Variants in MAP3K20 observed in about 807,000 individuals in gnomAD.
The protein encoded by MAP3K20 is mitogen-activated protein kinase kinase kinase 20.
MAP3K20 carries 40 observed loss-of-function variants against 85.7 expected under a neutral mutation model. The observed-to-expected ratio is 0.47, with a 90% CI of 0.36 to 0.61. The LOEUF is 0.61. Among genes scored for constraint, MAP3K20 ranks in the 20% least tolerant of loss-of-function variants. The probability of loss-of-function intolerance (pLI) is 0.00; values close to 1 mark genes in which losing one functional copy is unlikely to be tolerated. For missense variants in MAP3K20, 817 were observed against 961.7 expected, an observed-to-expected ratio of 0.85 and a Z score of 1.99; for synonymous variants, 325 against 327.7, an observed-to-expected ratio of 0.99 and a Z score of 0.09.
At chr2:173,111,343 A>G (rs1687969586) in intron 2 of MAP3K20, among the ~76,000 whole-genome samples, 1 of 152,020 alleles carries the variant, frequency 6.6e-6, no homozygotes. Context: ...AGATGTATAG[A>G]TTGTGAAGAT....
chr2:173,205,572 C>T (rs761175270), intron 9 of MAP3K20, among the ~76,000 whole-genome samples: 2 of 152,154 alleles, frequency 1.3e-5, no homozygotes, highest in Non-Finnish European at 2.9e-5. Flanking sequence ...GTTCACTCCA[C>T]GTGCTCCTTC....
intron 1 of MAP3K20, among the ~76,000 whole-genome samples, chr2:173,085,444 C>T (rs554277046): frequency 2.6e-4 from 40 of 152,236 alleles, no homozygotes; most frequent in South Asian, 2.1e-4. Context: ...TTAGGTGATG[C>T]TGCTATATAT....
chr2:173,075,704 C>T (rs1686826228), upstream of MAP3K20: 2 of 937,696 alleles, frequency 2.1e-6, no homozygotes, highest in Non-Finnish European at 2.5e-6. Flanking sequence ...TGCCGGGGCG[C>T]GGGGCGGATG....
chr2:173,151,383 C>T (rs1689302783), intron 2 of MAP3K20, among the ~76,000 whole-genome samples: 1 of 152,138 alleles, frequency 6.6e-6, no homozygotes, highest in Non-Finnish European at 1.5e-5. Context: ...TAGATCATTC[C>T]ATCTGTCCCT....
chr2:173,085,838 C>G (rs1296410839), intron 1 of MAP3K20, among the ~76,000 whole-genome samples: 1 of 110,328 alleles, frequency 9.1e-6, no homozygotes, highest in Non-Finnish European at 1.7e-5. Flanking sequence ...CTCTGTTGTC[C>G]AGGCTGGAGT....
chr2:173,174,802 G>A (rs752854104), intron 3 of MAP3K20, among the ~76,000 whole-genome samples: 2 of 152,086 alleles, frequency 1.3e-5, no homozygotes, highest in African/African-American at 2.4e-5. Context: ...CATGGTTTTC[G>A]GAGTACAATG....
rs559276881 is a variant in MAP3K20 at position 173,144,419 on chromosome 2, C to T, written c.160-25386C>T. Among the ~76,000 whole-genome samples the T allele has an allele frequency of 3.1e-4, 40 of 127,802 alleles. No individual in the cohort carries two copies. In the East Asian group the frequency reaches 8.1e-3, roughly 26 times the overall value. 83.8% of individuals were successfully genotyped at this position (127,802 alleles called of 152,430 possible). ...CGGAGCTTGCAGTGAGCCGAGGTCA[C>T]GCCACTGCACTCCAGCCTGGGCAAC... On this transcript the variant is annotated intron_variant, in intron 2 of 19. Transcript: ENST00000375213.
Position 173,229,894 on chromosome 2 carries a change from G to A in MAP3K20, c.1032+161G>A, listed in dbSNP as rs71417425. On this transcript the variant is annotated intron_variant, in intron 12 of 19. Transcript: ENST00000375213. ...CTCCCAGGCTGGAGTGCAGTGGTGC[G>A]ATCTCAGCTCACTGCAACCTCCACC... 5.7e-4 allele frequency among the ~76,000 whole-genome samples: 87 copies of A among 152,190 alleles called. 1 individual carries two copies. The highest frequency in any genetic ancestry group is 3.4e-3 in the Middle Eastern group (1 of 294).
At chr2:173,134,420 A>ATTTTTTTTTTTTT (rs1559246094) in intron 2 of MAP3K20, among the ~76,000 whole-genome samples, 2 of 6,156 alleles carry the variant, frequency 3.2e-4, no homozygotes, top group Non-Finnish European at 6.7e-4. Flanking sequence ...ATATATATAT[A>ATTTTTTTTTTTTT]TATATATATT....
In MAP3K20 at chr2:173,205,119, A is replaced by AAAAC. The variant is rs1683638647; in HGVS notation, c.744+1252_744+1253insCAAA. On this transcript the variant is annotated intron_variant, in intron 9 of 19. Transcript: ENST00000375213. ...CTCTGTCTCAAAAAAAAAAAAAAAA[A>AAAAC]AAATAAATAAATAAAATAAAACATA... 1.9e-4 allele frequency among the ~76,000 whole-genome samples: 26 copies of AAAAC among 139,578 alleles called. 3 individuals are homozygous for AAAAC. The highest frequency in any genetic ancestry group is 5.2e-4 in the African/African-American group (19 of 36,708). 91.6% of individuals were successfully genotyped at this position (139,578 alleles called of 152,430 possible).
Position 173,134,409 on chromosome 2 carries a change from TATA to T in MAP3K20, c.160-35395_160-35393del, listed in dbSNP as rs1688723860. Among the ~76,000 whole-genome samples the T allele has an allele frequency of 1.0e-3, 10 of 9,730 alleles. 1 individual carries two copies. Among genetic ancestry groups the T allele is most frequent in the Admixed American group, 2.8e-3 (3 of 1,076 alleles). The allele number at this position is 9,730 out of a possible 152,430, so 6.4% of individuals were successfully genotyped here. A position where few individuals can be genotyped will look rare whatever the true frequency, so the allele number is the denominator to read the frequency against. On this transcript the variant is annotated intron_variant, in intron 2 of 19. Transcript: ENST00000375213. ...GTCTCTATACATATATATATATATA[TATA>T]TATATATATATATATATTTTTTTTT...
rs79517220 is a variant in MAP3K20 at position 173,087,250 on chromosome 2, A to G, written c.-34-3748A>G. On this transcript the variant is annotated intron_variant, in intron 1 of 19. Transcript: ENST00000375213. ...TGGGTAAAGAAAGGTGCTGTGGCAC[A>G]TGAGAGGGAGAATTCAGCTGTGCTC... Among the ~76,000 whole-genome samples, 1,456 of 152,346 alleles carry G rather than the reference A, an allele frequency of 9.6e-3. 23 individuals carry two copies. The highest frequency in any genetic ancestry group is 0.033 in the African/African-American group (1,371 of 41,586).
chr2:173,089,978 T>A (rs181592136), intron 1 of MAP3K20, among the ~76,000 whole-genome samples: 1 of 152,292 alleles, frequency 6.6e-6, no homozygotes. Flanking sequence ...AGGCCAGATG[T>A]TTTGTAGAAT....
intron 16 of MAP3K20, among the ~76,000 whole-genome samples, chr2:173,257,606 A>C (rs1685189393): frequency 6.6e-6 from 1 of 152,214 alleles, no homozygotes; most frequent in Admixed American, 6.5e-5. Flanking sequence ...CCTAGTCAAC[A>C]TGATAAAGCT....
rs6761224 is a variant in MAP3K20, at chr2:173,261,232, T to C, written c.1551+95T>C. The stretch of plus-strand genomic sequence containing the variant: ...AGAGCATATAATTTATTGGGAGATA[T>C]ACCCAGAGCATATAATTTATTGGGA... On this transcript the variant is annotated intron_variant, in intron 18 of 19. Coordinates refer to ENST00000375213, the MANE Select transcript of MAP3K20 (RefSeq NM_016653.3). 7,863 of 1,267,826 alleles carry C rather than the reference T, an allele frequency of 6.2e-3. 353 individuals are homozygous for C. The African/African-American group carries it at 0.1, about 16-fold the overall frequency. 78.5% of individuals were successfully genotyped at this position (1,267,826 alleles called of 1,614,324 possible).
At chr2:173,137,657 T>C (rs975575423) in intron 2 of MAP3K20, among the ~76,000 whole-genome samples, 1 of 152,206 alleles carries the variant, frequency 6.6e-6, no homozygotes, top group Non-Finnish European at 1.5e-5. Context: ...TTATAAAATA[T>C]TCTTTTGAGA....
rs189762454 is a variant in MAP3K20, at chr2:173,266,667, C to T, written c.2320C>T (p.Arg774Trp). Residue 774 changes from arginine (R) to tryptophan (W), a missense_variant, in exon 20 of 20, where the codon CGG becomes TGG. This residue lies in a region of MAP3K20 where 454 missense variants were observed against 476.9 expected (regional missense o/e 0.95). Transcript: ENST00000375213. ...AGGGGGCTGGACAAAAGTGGAATAC[C>T]GGAAAAAGCCCCACAGGCCATCTCC... Reference protein sequence around the residue: ...SEGGWTKVEYRKKPHRPSPAK... With the variant: ...SEGGWTKVEYWKKPHRPSPAK... 21 of 1,609,882 alleles carry T rather than the reference C, an allele frequency of 1.3e-5. No individual in the cohort carries two copies. Among genetic ancestry groups the T allele is most frequent in the East Asian group, 2.2e-5 (1 of 44,662 alleles).
At chr2:173,108,713 A>G (rs1424735115) in intron 2 of MAP3K20, among the ~76,000 whole-genome samples, 3 of 152,238 alleles carry the variant, frequency 2.0e-5, no homozygotes, top group African/African-American at 7.2e-5. Flanking sequence ...AGATTGACAG[A>G]AGTTTTAAAA....
chr2:173,238,835 A>G (rs527735248), intron 15 of MAP3K20, among the ~76,000 whole-genome samples: 7 of 152,224 alleles, frequency 4.6e-5, no homozygotes, highest in Non-Finnish European at 7.3e-5. Context: ...ATAACATATT[A>G]GTATACTTAA....
Sources: gnomAD v4.1 joint callset for allele counts (sites outside exome capture counted in the v4.1 genomes callset) on GRCh38, gnomAD v4.1.1 for gene constraint, gnomAD v4.1.1 regional missense constraint, MANE v1.5 for transcripts, NCBI Gene and HGNC (gene_info 2026-07-23, HGNC 2026-07-21) for gene names.